ANKRD33B: variants seen among roughly 807,000 people sequenced by gnomAD.
The protein encoded by ANKRD33B is ankyrin repeat domain 33B.
A neutral mutation model predicts 21.5 loss-of-function variants in ANKRD33B; 6 were observed. That is an observed-to-expected ratio of 0.28 (90% confidence interval 0.15 to 0.55). ANKRD33B has a LOEUF of 0.55. Among genes scored for constraint, ANKRD33B ranks in the 20% least tolerant of loss-of-function variants. ANKRD33B has a pLI of 0.94. For missense variants in ANKRD33B, 698 were observed against 747.2 expected, an observed-to-expected ratio of 0.93 and a Z score of 0.77; for synonymous variants, 347 against 342.4, an observed-to-expected ratio of 1.01 and a Z score of -0.15.
intron 3 of ANKRD33B, among the ~76,000 whole-genome samples, chr5:10,648,184 T>C (rs564796150): frequency 3.3e-5 from 5 of 152,222 alleles, no homozygotes; most frequent in Admixed American, 2.0e-4. Context: ...CAAAAATGAA[T>C]TTTTCTATCC....
In ANKRD33B at chr5:10,656,398, A is replaced by AC. The variant is rs1737489044; in HGVS notation, c.*6285_*6286insC. 2 of 152,382 alleles carry AC rather than the reference A, an allele frequency of 1.3e-5. No homozygotes were observed. Among genetic ancestry groups the AC allele is most frequent in the Non-Finnish European group, 2.9e-5 (2 of 68,044 alleles). 9.4% of individuals were successfully genotyped at this position (152,382 alleles called of 1,614,324 possible). A position where few individuals can be genotyped will look rare whatever the true frequency, so the allele number is the denominator to read the frequency against. On this transcript the variant is annotated 3_prime_UTR_variant, in exon 4 of 4. Transcript: ENST00000296657. ...AGTGCCAATGTGGACAGTGTACACT[A>AC]AGCTGTGAGTGTGTGCACGGGCGAG... is the stretch of plus-strand genomic sequence containing the variant.
chr5:10,632,810 C>T (rs1003188899), intron 2 of ANKRD33B, among the ~76,000 whole-genome samples: 10 of 152,160 alleles, frequency 6.6e-5, no homozygotes, highest in African/African-American at 2.4e-4. Flanking sequence ...TATTTTGAGA[C>T]AGTGTCTTGC....
intron 2 of ANKRD33B, among the ~76,000 whole-genome samples, chr5:10,632,120 G>A (rs1736733834): frequency 6.6e-6 from 1 of 151,980 alleles, no homozygotes; most frequent in South Asian, 2.1e-4. Flanking sequence ...GGCAGGAGGG[G>A]GTCGGTTCAG....
chr5:10,633,933 GT>G (rs1436723641), intron 2 of ANKRD33B, among the ~76,000 whole-genome samples: 3 of 152,160 alleles, frequency 2.0e-5, no homozygotes, highest in African/African-American at 7.2e-5. Flanking sequence ...CCGTTTCCGT[GT>G]AATAGTCTTT....
rs1417395656 is a variant in ANKRD33B at position 10,654,068 on chromosome 5, A to G, written c.*3955A>G. The G allele has an allele frequency of 2.6e-5, 4 of 152,432 alleles. No individual in the cohort carries two copies. The highest frequency in any genetic ancestry group is 5.9e-5 in the Non-Finnish European group (4 of 68,210). 9.4% of individuals were successfully genotyped at this position (152,432 alleles called of 1,614,324 possible). A position where few individuals can be genotyped will look rare whatever the true frequency, so the allele number is the denominator to read the frequency against. On this transcript the variant is annotated 3_prime_UTR_variant, in exon 4 of 4. Coordinates refer to ENST00000296657, the MANE Select transcript of ANKRD33B (RefSeq NM_001164440.2). ...TCCCAGCTGGTTTAAGTTCTTGATC[A>G]TCCCTGGCACCACCTACCCTAAGGT...
intron 1 of ANKRD33B, among the ~76,000 whole-genome samples, chr5:10,607,064 A>T (rs1267768150): frequency 6.6e-6 from 1 of 152,062 alleles, no homozygotes; most frequent in African/African-American, 2.4e-5. Context: ...CCAATCAAGT[A>T]TCAAAGACAT....
chr5:10,626,048 C>T (rs575779979), intron 2 of ANKRD33B, among the ~76,000 whole-genome samples: 178 of 151,996 alleles, frequency 1.2e-3, no homozygotes, highest in African/African-American at 4.1e-3. Flanking sequence ...GCCTAGAACC[C>T]GAGTGACACA....
intron 1 of ANKRD33B, among the ~76,000 whole-genome samples, chr5:10,586,150 T>G (rs1735554193): frequency 6.6e-6 from 1 of 152,046 alleles, no homozygotes; most frequent in Admixed American, 6.6e-5. Flanking sequence ...ACAGTCATCC[T>G]TCAGGACACG....
intron 2 of ANKRD33B, among the ~76,000 whole-genome samples, chr5:10,622,807 T>G (rs545857218): frequency 0.088 from 11,060 of 125,966 alleles, 546 homozygotes; most frequent in Middle Eastern, 0.2. Context: ...TATTTTATTT[T>G]ATTTTTTTTT....
chr5:10,607,719 G>C (rs1241506717), intron 1 of ANKRD33B, among the ~76,000 whole-genome samples: 1 of 152,238 alleles, frequency 6.6e-6, no homozygotes, highest in South Asian at 2.1e-4. Context: ...AGAGAATAGA[G>C]AGTGTTGTCA....
intron 1 of ANKRD33B, among the ~76,000 whole-genome samples, chr5:10,616,544 A>G (rs1313197652): frequency 2.9e-5 from 4 of 138,126 alleles, no homozygotes; most frequent in Non-Finnish European, 6.1e-5. Flanking sequence ...AGCCTGGGCA[A>G]CAAGAGTGAA....
intron 2 of ANKRD33B, among the ~76,000 whole-genome samples, chr5:10,635,505 A>C (rs1736836098): frequency 6.6e-6 from 1 of 152,224 alleles, no homozygotes; most frequent in African/African-American, 2.4e-5. Flanking sequence ...CAGCGAGGGG[A>C]TCGTACCCTT....
At chr5:10,622,425 C>T (rs916769827) in intron 2 of ANKRD33B, among the ~76,000 whole-genome samples, 1 of 150,602 alleles carries the variant, frequency 6.6e-6, no homozygotes, top group African/African-American at 2.4e-5. Context: ...TGGTTGTTTT[C>T]TTCCAACATA....
chr5:10,591,025 T>C lies in ANKRD33B; in HGVS notation c.366+26192T>C, dbSNP rs367763599. ...AGTTTCTCAGAGCTGAAAGTGAGAG[T>C]CCCTGTCATTTGCCTTTTTACTTTC... On this transcript the variant is annotated intron_variant, in intron 1 of 3. Coordinates refer to ENST00000296657, the MANE Select transcript of ANKRD33B (RefSeq NM_001164440.2). 2.0e-5 allele frequency among the ~76,000 whole-genome samples: 3 copies of C among 152,120 alleles called. No individual in the cohort carries two copies. In the South Asian group the frequency reaches 6.2e-4, roughly 32 times the overall value.
chr5:10,564,636 TCTTTCTACC>T lies in ANKRD33B; in HGVS notation c.175_183del (p.Tyr59_Phe61del). On this transcript the variant is annotated inframe_deletion, in exon 1 of 4. Coordinates refer to ENST00000296657, the MANE Select transcript of ANKRD33B (RefSeq NM_001164440.2). ...CACCCGCAGCATCGCCTCGGACGAC[TCTTTCTACC>T]CTTTCGAGGACGAGGAGGAGCACGG... The T allele has an allele frequency of 6.5e-7, 1 of 1,535,060 alleles. No individual in the cohort carries two copies. The highest frequency in any genetic ancestry group is 8.7e-7 in the Non-Finnish European group (1 of 1,146,654).
chr5:10,633,976 TAAG>T (rs1361330607), intron 2 of ANKRD33B, among the ~76,000 whole-genome samples: 1 of 152,198 alleles, frequency 6.6e-6, no homozygotes, highest in African/African-American at 2.4e-5. Flanking sequence ...GCCCGCGGGT[TAAG>T]GAGGGGGGAA....
chr5:10,611,068 A>T (rs549770754), intron 1 of ANKRD33B, among the ~76,000 whole-genome samples: 1 of 152,218 alleles, frequency 6.6e-6, no homozygotes, highest in Non-Finnish European at 1.5e-5. Context: ...AATAAATAAA[A>T]ATATATTGTT....
rs753506089 is a variant in ANKRD33B, at chr5:10,650,764, TC to T, written c.*652del. 1 of 152,406 alleles carries T rather than the reference TC, an allele frequency of 6.6e-6. No homozygotes were observed. Among genetic ancestry groups the T allele is most frequent in the Non-Finnish European group, 1.5e-5 (1 of 68,044 alleles). 9.4% of individuals were successfully genotyped at this position (152,406 alleles called of 1,614,324 possible). On this transcript the variant is annotated 3_prime_UTR_variant, in exon 4 of 4. Coordinates refer to ENST00000296657, the MANE Select transcript of ANKRD33B (RefSeq NM_001164440.2). ...AGACAGAGGATCAGATGTTACTGTA[TC>T]TTTTTAAAACTCTTATCCATATAGT... is the stretch of plus-strand genomic sequence containing the variant.
rs1736912939 is a variant in ANKRD33B at position 10,638,041 on chromosome 5, CACTA to C, written c.515_518del (p.Asn172ThrfsTer3). ...TTCTCTTTACAGGGCACGCTATCAT[CACTA>C]ACTACTTGTTGAACTATTTCCCTGG... is the stretch of plus-strand genomic sequence containing the variant. On this transcript the variant is annotated frameshift_variant, in exon 3 of 4. Transcript: ENST00000296657. LOFTEE classifies it high-confidence loss of function. 2.0e-6 allele frequency: 3 copies of C among 1,537,656 alleles called. No individual in the cohort carries two copies. Among genetic ancestry groups the C allele is most frequent in the East Asian group, 2.4e-5 (1 of 41,046 alleles).
Sources: gnomAD v4.1 joint callset for allele counts (sites outside exome capture counted in the v4.1 genomes callset) on GRCh38, gnomAD v4.1.1 for gene constraint, MANE v1.5 for transcripts, NCBI Gene and HGNC (gene_info 2026-07-23, HGNC 2026-07-21) for gene names.